Variants in ABI2 observed in about 807,000 individuals in gnomAD.
ABI2 encodes the protein abelson interactor 2.
In ABI2, 25 loss-of-function variants were observed where a neutral mutation model predicts 59.2. The ratio of observed to expected loss-of-function variants is 0.42; its 90% CI spans 0.31 to 0.59. ABI2 has a LOEUF of 0.59. Ranked by LOEUF, ABI2 falls within the 20% of genes least tolerant of loss-of-function variation. ABI2 has a pLI of 0.14. For synonymous variants in ABI2, 213 were observed against 235.5 expected (o/e 0.90, Z 0.87); for missense variants, 545 against 681.8 (o/e 0.80, Z 2.23).
In ABI2 at chr2:203,401,770, G is replaced by A. The variant is rs181652180; in HGVS notation, c.1034-806G>A. On this transcript the variant is annotated intron_variant, in intron 8 of 11. Coordinates refer to ENST00000261018, the MANE Select transcript of ABI2 (RefSeq NM_001375670.1). ...AAAGAAATGTTTGATTTGGAATTAC[G>A]TCATTTAACCTTTTGTTGAAATACT... Among the ~76,000 whole-genome samples the A allele has an allele frequency of 2.1e-4, 32 of 152,004 alleles. No individual in the cohort carries two copies. In the East Asian group the frequency reaches 4.2e-3, roughly 20 times the overall value.
intron 1 of ABI2, among the ~76,000 whole-genome samples, chr2:203,359,854 G>GA (rs2093139042): frequency 6.8e-6 from 1 of 147,974 alleles, no homozygotes; most frequent in African/African-American, 2.5e-5. Flanking sequence ...TTGGGGGGGG[G>GA]ACACAAAAAT....
At chr2:203,384,881 C>G (rs969107421) in intron 4 of ABI2, among the ~76,000 whole-genome samples, 14 of 150,918 alleles carry the variant, frequency 9.3e-5, no homozygotes, top group African/African-American at 3.4e-4. Flanking sequence ...GTCACCCAGG[C>G]TGGAGTGCAG....
At chr2:203,345,674 G>T (rs567161510) in intron 1 of ABI2, among the ~76,000 whole-genome samples, 1 of 151,804 alleles carries the variant, frequency 6.6e-6, no homozygotes, top group Admixed American at 6.6e-5. Flanking sequence ...CTCCCAGAGA[G>T]CTGGGATTAC....
intron 2 of ABI2, among the ~76,000 whole-genome samples, chr2:203,373,883 G>T (rs1213511506): frequency 2.0e-5 from 3 of 152,236 alleles, no homozygotes; most frequent in Non-Finnish European, 4.4e-5. Flanking sequence ...TTTAGGCTGG[G>T]TGTGGTGGCT....
chr2:203,378,584 A>G (rs2095876582), intron 2 of ABI2, among the ~76,000 whole-genome samples: 1 of 152,174 alleles, frequency 6.6e-6, no homozygotes, highest in African/African-American at 2.4e-5. Flanking sequence ...GGCTTACCTC[A>G]TACTTGAGGC....
chr2:203,362,682 G>A (rs1171574219), intron 1 of ABI2, among the ~76,000 whole-genome samples: 6 of 151,274 alleles, frequency 4.0e-5, no homozygotes, highest in Non-Finnish European at 8.9e-5. Flanking sequence ...GTGGGCCACC[G>A]TGCCTGGCTA....
At chr2:203,377,247 A>T (rs1461686891) in intron 2 of ABI2, among the ~76,000 whole-genome samples, 1 of 152,168 alleles carries the variant, frequency 6.6e-6, no homozygotes, top group African/African-American at 2.4e-5. Context: ...CTAGGAGTTC[A>T]AGACTACAGT....
chr2:203,351,082 G>C (rs1255301551), intron 1 of ABI2, among the ~76,000 whole-genome samples: 1 of 152,076 alleles, frequency 6.6e-6, no homozygotes, highest in Non-Finnish European at 1.5e-5. Context: ...CTATCCAGTT[G>C]ACCCAACACC....
chr2:203,362,287 T>A (rs934748202), intron 1 of ABI2, among the ~76,000 whole-genome samples: 10 of 152,214 alleles, frequency 6.6e-5, no homozygotes, highest in African/African-American at 2.4e-4. Context: ...TTTTTAATTA[T>A]AAGAGGAATA....
chr2:203,342,165 T>C (rs2080333451), intron 1 of ABI2: 2 of 452,608 alleles, frequency 4.4e-6, no homozygotes, highest in Admixed American at 2.4e-5. Context: ...TTTTATTATA[T>C]GTTTTTTTCC....
chr2:203,376,833 C>G (rs560351275), intron 2 of ABI2, among the ~76,000 whole-genome samples: 1 of 151,644 alleles, frequency 6.6e-6, no homozygotes, highest in African/African-American at 2.4e-5. Flanking sequence ...GTAAATGTCC[C>G]CAATCCCTAG....
At chr2:203,342,913 A>C (rs2080897751) in intron 1 of ABI2, among the ~76,000 whole-genome samples, 1 of 152,240 alleles carries the variant, frequency 6.6e-6, no homozygotes, top group Admixed American at 6.5e-5. Flanking sequence ...TATTATTTCT[A>C]GTTTTTTAAT....
intron 1 of ABI2, among the ~76,000 whole-genome samples, chr2:203,357,196 C>G (rs2092344643): frequency 1.3e-5 from 2 of 152,062 alleles, no homozygotes. Context: ...CAAATGTGTT[C>G]CAGAAAAGAA....
At chr2:203,399,717 G>A (rs527610014) in intron 8 of ABI2, among the ~76,000 whole-genome samples, 1 of 152,208 alleles carries the variant, frequency 6.6e-6, no homozygotes, top group South Asian at 2.1e-4. Flanking sequence ...GTTTCACCAC[G>A]TTGGCCAGGT....
chr2:203,347,742 A>C (rs921534334), intron 1 of ABI2, among the ~76,000 whole-genome samples: 1 of 152,202 alleles, frequency 6.6e-6, no homozygotes, highest in African/African-American at 2.4e-5. Context: ...TTAGGTTTCT[A>C]ACTGGGAAAT....
chr2:203,390,000 A>G (rs1252579823), intron 4 of ABI2, among the ~76,000 whole-genome samples: 3 of 152,180 alleles, frequency 2.0e-5, no homozygotes, highest in African/African-American at 7.2e-5. Context: ...ATTCACCTTC[A>G]GTTTGGGCCC....
chr2:203,407,663 A>T (rs530030651), intron 9 of ABI2, among the ~76,000 whole-genome samples: 2 of 152,292 alleles, frequency 1.3e-5, no homozygotes, highest in Non-Finnish European at 2.9e-5. Context: ...ATTCTTGTAT[A>T]TTGTGAAAAT....
intron 2 of ABI2, chr2:203,376,046 T>C: frequency 6.6e-7 from 1 of 1,519,140 alleles, no homozygotes; most frequent in South Asian, 1.2e-5. Context: ...ACTTAAAATA[T>C]CTATACTTAG....
At chr2:203,336,496 C>T (rs1000244399) in intron 1 of ABI2, among the ~76,000 whole-genome samples, 13 of 152,138 alleles carry the variant, frequency 8.5e-5, no homozygotes, top group Admixed American at 8.5e-4. Context: ...CTTCATCTGC[C>T]GAGGAGGCTG....
Sources: gnomAD v4.1 joint callset for allele counts (sites outside exome capture counted in the v4.1 genomes callset) on GRCh38, gnomAD v4.1.1 for gene constraint, MANE v1.5 for transcripts, NCBI Gene and HGNC (gene_info 2026-07-23, HGNC 2026-07-21) for gene names.